TTC39B: variants seen among roughly 807,000 people sequenced by gnomAD.
The protein encoded by TTC39B is tetratricopeptide repeat domain 39B.
A neutral mutation model predicts 96.6 loss-of-function variants in TTC39B; 92 were observed. That is an observed-to-expected ratio of 0.95 (90% CI 0.80 to 1.13). TTC39B has a LOEUF of 1.13. Ranked by LOEUF, TTC39B falls within the 50% of genes most tolerant of loss-of-function variation. TTC39B has a pLI of 0.00. For synonymous variants in TTC39B, 367 were observed against 299.4 expected (o/e 1.23, Z -2.33); for missense variants, 955 against 809.3 (o/e 1.18, Z -2.18).
At chr9:15,233,011 A>T (rs1821514015) in intron 2 of TTC39B, among the ~76,000 whole-genome samples, 2 of 152,190 alleles carry the variant, frequency 1.3e-5, no homozygotes, top group South Asian at 4.1e-4. Flanking sequence ...GATAGGAGAC[A>T]TGGCATTTGT....
At chr9:15,275,161 C>T (rs12342348) in intron 1 of TTC39B, among the ~76,000 whole-genome samples, 15,288 of 152,084 alleles carry the variant, frequency 0.1, 1,022 homozygotes, top group African/African-American at 0.19. Context: ...CCTGCCTCAG[C>T]CTCCCAAGTA....
intron 8 of TTC39B, among the ~76,000 whole-genome samples, chr9:15,195,184 A>G (rs1219660660): frequency 1.3e-5 from 2 of 152,216 alleles, no homozygotes; most frequent in Admixed American, 6.5e-5. Context: ...CCTGTTGCTG[A>G]TATGGAGAAA....
chr9:15,237,971 G>T (rs1821864161), intron 2 of TTC39B, among the ~76,000 whole-genome samples: 1 of 152,154 alleles, frequency 6.6e-6, no homozygotes. Context: ...GGTATGCAAG[G>T]ATGGTTCAAC....
At chr9:15,209,165 T>A (rs918766830) in intron 6 of TTC39B, among the ~76,000 whole-genome samples, 8 of 152,328 alleles carry the variant, frequency 5.3e-5, no homozygotes, top group African/African-American at 1.9e-4. Flanking sequence ...TGAAGGACTT[T>A]TTTTTTTCCT....
In TTC39B at chr9:15,234,247, G is replaced by T. The variant is rs555937935; in HGVS notation, c.276-8235C>A. On this transcript the variant is annotated intron_variant, in intron 2 of 19. Coordinates refer to ENST00000512701, the Ensembl canonical transcript of TTC39B. ...AGCGTCTCTGCCCGGCAGCCACCCCGTCCGGGAGGGAGGTGGGGGTCAGCC... is the reference window on the plus strand; with the variant it reads ...AGCGTCTCTGCCCGGCAGCCACCCCTTCCGGGAGGGAGGTGGGGGTCAGCC... 7.6e-3 allele frequency among the ~76,000 whole-genome samples: 1,148 copies of T among 150,358 alleles called. 13 individuals are homozygous for T. The highest frequency in any genetic ancestry group is 0.049 in the South Asian group (233 of 4,744).
At chr9:15,208,791 C>T (rs1820022159) in intron 6 of TTC39B, among the ~76,000 whole-genome samples, 1 of 152,132 alleles carries the variant, frequency 6.6e-6, no homozygotes, top group Admixed American at 6.5e-5. Context: ...TGTGAAATGT[C>T]TCATAATTCC....
chr9:15,297,795 AC>A, intron 1 of TTC39B, among the ~76,000 whole-genome samples: 1 of 151,550 alleles, frequency 6.6e-6, no homozygotes, highest in Non-Finnish European at 1.5e-5. Context: ...ACCACTCCTC[AC>A]TGAAACCCGC....
chr9:15,258,472 C>T (rs1033352376), intron 2 of TTC39B, among the ~76,000 whole-genome samples: 1 of 152,120 alleles, frequency 6.6e-6, no homozygotes, highest in Non-Finnish European at 1.5e-5. Flanking sequence ...TGTGAAACAT[C>T]CTAGTGAGTG....
rs574829423 is a variant in TTC39B at position 15,210,016 on chromosome 9, G to C, written c.691+72C>G. On this transcript the variant is annotated intron_variant, in intron 6 of 19. Coordinates refer to ENST00000512701, the Ensembl canonical transcript of TTC39B. ...ATTCCATTTACTTTATATACTTCAG[G>C]ATGGAATTTTATGAGATGATCATTT... 3.8e-5 allele frequency: 41 copies of C among 1,079,106 alleles called. No homozygotes were observed. In the South Asian group the frequency reaches 5.6e-4, roughly 15 times the overall value. The allele number at this position is 1,079,106 out of a possible 1,614,324, so 66.8% of individuals were successfully genotyped here.
intron 2 of TTC39B, among the ~76,000 whole-genome samples, chr9:15,239,208 C>A (rs920502448): frequency 6.6e-6 from 1 of 151,904 alleles, no homozygotes; most frequent in Non-Finnish European, 1.5e-5. Context: ...ATTAAAACCA[C>A]AATGAGATAT....
chr9:15,201,984 G>C (rs913839430), intron 7 of TTC39B, among the ~76,000 whole-genome samples: 5 of 152,164 alleles, frequency 3.3e-5, no homozygotes, highest in African/African-American at 1.2e-4. Context: ...GAGAGGGAGA[G>C]TCACTAGGTT....
intron 1 of TTC39B, among the ~76,000 whole-genome samples, chr9:15,285,612 C>T (rs943612885): frequency 1.3e-5 from 2 of 152,168 alleles, no homozygotes; most frequent in Middle Eastern, 3.4e-3. Flanking sequence ...CCCTGCACTT[C>T]GGGAGGCCGA....
exon 20 of TTC39B, chr9:15,167,021 TATATATA>T (rs1447182873): frequency 1.7e-3 from 20 of 11,604 alleles, no homozygotes; most frequent in East Asian, 3.3e-3. Context: ...TATATATATA[TATATATA>T]TTTTTTTTTT....
At position 15,280,828 on chromosome 9, in the gene TTC39B, G is replaced by C. The variant is rs573048070; in HGVS notation, c.241-12880C>G. ...AGTAGGAGGAGTAAAGAATGCGAAT[G>C]CTTGCAGTGGGGTTTAGTAGAATGC... On this transcript the variant is annotated intron_variant, in intron 1 of 19. Coordinates refer to ENST00000512701, the Ensembl canonical transcript of TTC39B. 8.5e-5 allele frequency among the ~76,000 whole-genome samples: 13 copies of C among 152,320 alleles called. No individual in the cohort carries two copies. The Middle Eastern group carries it at 0.01, about 120-fold the overall frequency.
chr9:15,229,534 T>C (rs1379040810), intron 2 of TTC39B, among the ~76,000 whole-genome samples: 1 of 152,268 alleles, frequency 6.6e-6, no homozygotes, highest in East Asian at 1.9e-4. Context: ...GTGTTGTGCA[T>C]AACAAACCTT....
At chr9:15,172,858 A>T (rs140092666) in intron 19 of TTC39B, among the ~76,000 whole-genome samples, 172 of 152,286 alleles carry the variant, frequency 1.1e-3, no homozygotes, top group African/African-American at 3.9e-3. Context: ...CTCACTGGTA[A>T]TCTTGATGTG....
intron 1 of TTC39B, among the ~76,000 whole-genome samples, chr9:15,288,307 C>T (rs1464461066): frequency 1.3e-5 from 2 of 152,156 alleles, no homozygotes; most frequent in Admixed American, 1.3e-4. Flanking sequence ...GTTTTGCACC[C>T]AAAAGTTATC....
chr9:15,258,262 T>C (rs970435886), intron 2 of TTC39B, among the ~76,000 whole-genome samples: 2 of 152,070 alleles, frequency 1.3e-5, no homozygotes, highest in Non-Finnish European at 2.9e-5. Flanking sequence ...ATGGGAAATA[T>C]ATATTGGAGG....
exon 11 of TTC39B, chr9:15,190,635 C>G: frequency 6.2e-7 from 1 of 1,614,178 alleles, no homozygotes; most frequent in Non-Finnish European, 8.5e-7. Flanking sequence ...CCTGAAGCAC[C>G]TTCACGTAAC....
Sources: gnomAD v4.1 joint callset for allele counts (sites outside exome capture counted in the v4.1 genomes callset) on GRCh38, gnomAD v4.1.1 for gene constraint, MANE v1.5 for transcripts, NCBI Gene and HGNC (gene_info 2026-07-23, HGNC 2026-07-21) for gene names.